The following MBD5 variants were observed in gnomAD, a reference collection of about 807,000 sequenced individuals.
The protein encoded by MBD5 is methyl-CpG-binding domain protein 5.
In MBD5, 13 loss-of-function variants were observed where a neutral mutation model predicts 117.3. The observed-to-expected ratio is 0.11, with a 90% CI of 0.07 to 0.18. The LOEUF (loss-of-function observed/expected upper bound fraction) is 0.18. Among genes scored for constraint, MBD5 ranks in the 10% least tolerant of loss-of-function variants. The probability of loss-of-function intolerance (pLI) is 1.00; values close to 1 mark genes in which losing one functional copy is unlikely to be tolerated. For synonymous variants in MBD5, 727 were observed against 766.4 expected (o/e 0.95, Z 0.85); for missense variants, 1,879 against 2,093.8 (o/e 0.90, Z 2.00).
chr2:148,345,369 A>G (rs913025757), intron 4 of MBD5, among the ~76,000 whole-genome samples: 1 of 140,442 alleles, frequency 7.1e-6, no homozygotes, highest in Non-Finnish European at 1.6e-5. Context: ...ACACATATAC[A>G]TATACACATA....
chr2:148,332,704 T>C (rs547646328), intron 3 of MBD5, among the ~76,000 whole-genome samples: 3 of 152,176 alleles, frequency 2.0e-5, no homozygotes, highest in Non-Finnish European at 4.4e-5. Flanking sequence ...CTAGAAGCTA[T>C]TAAGATTTTC....
At chr2:148,492,740 A>C (rs1253755170) in intron 11 of MBD5, among the ~76,000 whole-genome samples, 2 of 152,066 alleles carry the variant, frequency 1.3e-5, no homozygotes, top group African/African-American at 4.8e-5. Flanking sequence ...CTCATTTTAC[A>C]ACACCAGAAA....
At chr2:148,206,474 CATTT>C (rs1699286309) in intron 2 of MBD5, among the ~76,000 whole-genome samples, 1 of 152,094 alleles carries the variant, frequency 6.6e-6, no homozygotes, top group Non-Finnish European at 1.5e-5. Flanking sequence ...GGGTTAGAAA[CATTT>C]CAAACCTTCT....
intron 3 of MBD5, among the ~76,000 whole-genome samples, chr2:148,277,615 G>GT (rs1439540695): frequency 2.0e-5 from 3 of 152,054 alleles, no homozygotes; most frequent in African/African-American, 7.2e-5. Context: ...AAGCAATGTA[G>GT]TTTTTTGTGT....
chr2:148,305,952 T>C lies in MBD5; in HGVS notation c.-679-36262T>C, dbSNP rs991919108. On this transcript the variant is annotated intron_variant, in intron 3 of 13. Transcript: ENST00000642680. ...TTTTTACAATCTCCCCCCTTTTTAATTTTTTATTACAAAATAAATCTAGTG... is the reference window on the plus strand; with the variant it reads ...TTTTTACAATCTCCCCCCTTTTTAACTTTTTATTACAAAATAAATCTAGTG... 3.9e-5 allele frequency among the ~76,000 whole-genome samples: 6 copies of C among 152,358 alleles called. No homozygotes were observed. In the East Asian group the frequency reaches 1.2e-3, roughly 29 times the overall value.
At chr2:148,197,824 T>G (rs1413955897) in intron 2 of MBD5, among the ~76,000 whole-genome samples, 2 of 149,534 alleles carry the variant, frequency 1.3e-5, no homozygotes, top group Non-Finnish European at 3.0e-5. Flanking sequence ...TTTTGTTTTT[T>G]TTTTTTGAGA....
chr2:148,327,662 A>G (rs9752419), intron 3 of MBD5, among the ~76,000 whole-genome samples: 145,863 of 151,246 alleles, frequency 0.96, 70,534 homozygotes, highest in East Asian at 1. Context: ...CATTCTTCAC[A>G]TAGTTATCGA....
chr2:148,058,268 A>G (rs1295159464), intron 1 of MBD5, among the ~76,000 whole-genome samples: 3 of 152,084 alleles, frequency 2.0e-5, no homozygotes, highest in African/African-American at 7.2e-5. Context: ...AAACCCTACA[A>G]ATTAAGTAAT....
At chr2:148,131,953 C>A (rs1697059826) in intron 1 of MBD5, among the ~76,000 whole-genome samples, 1 of 152,034 alleles carries the variant, frequency 6.6e-6, no homozygotes, top group Non-Finnish European at 1.5e-5. Flanking sequence ...TCACTAATAA[C>A]TACTTTGCAT....
In MBD5 at chr2:148,057,648, T is replaced by TG. The variant is rs1191718219; in HGVS notation, c.-925+35964_-925+35965insG. Among the ~76,000 whole-genome samples the TG allele has an allele frequency of 2.0e-5, 3 of 151,936 alleles. 1 individual carries two copies. The highest frequency in any genetic ancestry group is 1.3e-4 in the Admixed American group (2 of 15,270). On this transcript the variant is annotated intron_variant, in intron 1 of 13. Coordinates refer to ENST00000642680, the MANE Select transcript of MBD5 (RefSeq NM_001378120.1). ...ACCCATACTGCAATACTAGAATAAA[T>TG]TTTTTCCAATTTTAAATTCAATGTG...
intron 3 of MBD5, among the ~76,000 whole-genome samples, chr2:148,329,444 A>T (rs1702573636): frequency 6.6e-6 from 1 of 152,214 alleles, no homozygotes. Flanking sequence ...TTTTAAAAAT[A>T]TGGAGTAGGT....
chr2:148,468,227 T>C (rs1680652829), intron 7 of MBD5, 114 bp from the exon 8 acceptor site: 1 of 793,958 alleles, frequency 1.3e-6, no homozygotes, highest in African/African-American at 1.7e-5. Context: ...CAGATTCCTA[T>C]TTCCAGATGC....
rs1682327565 is a variant in MBD5 at position 148,515,446 on chromosome 2, G to A, written c.*2505G>A. ...ATCTCTCTTAGAGTTATATGGTTTT[G>A]TGTAAGCAGTTAATGTAAATATTGT... On this transcript the variant is annotated 3_prime_UTR_variant, in exon 14 of 14. Coordinates refer to ENST00000642680, the MANE Select transcript of MBD5 (RefSeq NM_001378120.1). 6.6e-6 allele frequency: 1 copy of A among 152,106 alleles called. No homozygotes were observed. Among genetic ancestry groups the A allele is most frequent in the African/African-American group, 2.4e-5 (1 of 41,410 alleles). 9.4% of individuals were successfully genotyped at this position (152,106 alleles called of 1,614,324 possible). A position where few individuals can be genotyped will look rare whatever the true frequency, so the allele number is the denominator to read the frequency against.
At chr2:148,510,571 A>G (rs762652561) in intron 13 of MBD5, among the ~76,000 whole-genome samples, 3 of 152,260 alleles carry the variant, frequency 2.0e-5, no homozygotes, top group Non-Finnish European at 4.4e-5. Flanking sequence ...AACTGTGCAT[A>G]TAATAGCATT....
chr2:148,044,213 T>C (rs1694453662), intron 1 of MBD5, among the ~76,000 whole-genome samples: 1 of 152,232 alleles, frequency 6.6e-6, no homozygotes, highest in East Asian at 1.9e-4. Flanking sequence ...TTGCAAATCT[T>C]GTTATAGTCT....
chr2:148,062,996 C>T lies in MBD5; in HGVS notation c.-925+41312C>T, dbSNP rs1242937235. 2.6e-5 allele frequency among the ~76,000 whole-genome samples: 4 copies of T among 152,090 alleles called. No homozygotes were observed. In the East Asian group the frequency reaches 7.7e-4, roughly 29 times the overall value. Reference sequence around the variant, plus strand: ...GTCAAAATTTCTCAGCACATATTTGCGGATTCCTTGAGATCTATGACCCAG... The same window carrying T: ...GTCAAAATTTCTCAGCACATATTTGTGGATTCCTTGAGATCTATGACCCAG... On this transcript the variant is annotated intron_variant, in intron 1 of 13. Coordinates refer to ENST00000642680, the MANE Select transcript of MBD5 (RefSeq NM_001378120.1).
intron 4 of MBD5, among the ~76,000 whole-genome samples, chr2:148,385,074 C>T (rs1704304617): frequency 6.6e-6 from 1 of 152,160 alleles, no homozygotes; most frequent in East Asian, 1.9e-4. Context: ...CTGTCTAAAA[C>T]ACCAAAAGCA....
At chr2:148,029,690 A>G (rs934100278) in intron 1 of MBD5, among the ~76,000 whole-genome samples, 2 of 152,116 alleles carry the variant, frequency 1.3e-5, no homozygotes, top group African/African-American at 4.8e-5. Context: ...TTTGAATTTT[A>G]TGTGTGTTTA....
intron 5 of MBD5, among the ~76,000 whole-genome samples, chr2:148,459,340 A>G (rs1043181938): frequency 1.3e-5 from 2 of 152,164 alleles, no homozygotes; most frequent in African/African-American, 2.4e-5. Context: ...TCTTTAATCT[A>G]TTTCCTTGCG....
Sources: allele counts gnomAD v4.1 joint callset (sites outside exome capture counted in the v4.1 genomes callset), GRCh38; gene constraint gnomAD v4.1.1; transcripts MANE v1.5; gene names NCBI Gene and HGNC (gene_info 2026-07-23, HGNC 2026-07-21).